The following PPFIA2 variants were observed in gnomAD, a reference collection of about 807,000 sequenced individuals.
PPFIA2 encodes the protein liprin-alpha-2.
A neutral mutation model predicts 175.5 loss-of-function variants in PPFIA2; 46 were observed. The observed-to-expected ratio is 0.26, with a 90% CI of 0.21 to 0.34. The LOEUF (loss-of-function observed/expected upper bound fraction) is 0.34, where lower values mean the gene tolerates loss of function less well. Among genes scored for constraint, PPFIA2 ranks in the 10% least tolerant of loss-of-function variants. PPFIA2 has a pLI of 1.00. For synonymous variants in PPFIA2, 568 were observed against 511.4 expected (o/e 1.11, Z -1.49); for missense variants, 1,179 against 1,506.1 (o/e 0.78, Z 3.60).
intron 3 of PPFIA2, among the ~76,000 whole-genome samples, chr12:81,680,364 G>A (rs114889858): frequency 0.015 from 2,221 of 151,986 alleles, 28 homozygotes; most frequent in South Asian, 0.042. Context: ...TAAAAGGTTA[G>A]ATAGTTTACA....
chr12:81,612,747 T>A (rs2061050129), intron 4 of PPFIA2, among the ~76,000 whole-genome samples: 1 of 152,232 alleles, frequency 6.6e-6, no homozygotes, highest in South Asian at 2.1e-4. Flanking sequence ...TATTTTTACA[T>A]AATTTCATAA....
intron 22 of PPFIA2, among the ~76,000 whole-genome samples, chr12:81,299,928 A>C (rs144521931): frequency 1.5e-3 from 222 of 152,296 alleles, no homozygotes; most frequent in Non-Finnish European, 1.3e-3. Flanking sequence ...ATAAAACTAC[A>C]TCTCACTTGG....
chr12:81,509,180 C>T (rs1429254256), intron 4 of PPFIA2, among the ~76,000 whole-genome samples: 7 of 151,986 alleles, frequency 4.6e-5, no homozygotes, highest in Non-Finnish European at 8.8e-5. Context: ...ACCTTTTGTC[C>T]AATTATTATC....
At chr12:81,642,320 A>C (rs1348899277) in intron 4 of PPFIA2, among the ~76,000 whole-genome samples, 1 of 151,978 alleles carries the variant, frequency 6.6e-6, no homozygotes, top group African/African-American at 2.4e-5. Context: ...ATGCAGAGTT[A>C]TGTAAGATTT....
At chr12:81,555,146 A>G (rs1183264768) in intron 4 of PPFIA2, among the ~76,000 whole-genome samples, 1 of 152,040 alleles carries the variant, frequency 6.6e-6, no homozygotes, top group Non-Finnish European at 1.5e-5. Flanking sequence ...TATATAGATG[A>G]GAAGATTAAA....
At chr12:81,496,620 GA>G (rs1309947139) in intron 4 of PPFIA2, among the ~76,000 whole-genome samples, 20 of 152,208 alleles carry the variant, frequency 1.3e-4, no homozygotes, top group African/African-American at 4.8e-4. Flanking sequence ...TGAATGAAAG[GA>G]ATCAATAACA....
At chr12:81,285,645 T>C (rs1378765825) in intron 24 of PPFIA2, among the ~76,000 whole-genome samples, 1 of 152,066 alleles carries the variant, frequency 6.6e-6, no homozygotes, top group Non-Finnish European at 1.5e-5. Context: ...CATTATACCA[T>C]CGTAGTGCAA....
intron 32 of PPFIA2, 69 bp downstream of exon 32, chr12:81,261,880 A>T: frequency 9.6e-7 from 1 of 1,043,892 alleles, no homozygotes; most frequent in Non-Finnish European, 1.4e-6. Context: ...TATAGTGTAT[A>T]TTTATTAGTC....
intron 3 of PPFIA2, among the ~76,000 whole-genome samples, chr12:81,687,919 A>C (rs1348523627): frequency 6.6e-6 from 1 of 152,018 alleles, no homozygotes; most frequent in Non-Finnish European, 1.5e-5. Flanking sequence ...AGATTACATA[A>C]AGATATATGT....
rs1487668423 is a variant in PPFIA2 at position 81,362,677 on chromosome 12, TTTAG to T, written c.1637+12_1637+15del. ...ATTTTCAGTGAATTATAGATAAGCTTTTAGTTTAATGTTACCTTGGTATTGTGGG... is the reference window on the plus strand; with the variant it reads ...ATTTTCAGTGAATTATAGATAAGCTTTTTAATGTTACCTTGGTATTGTGGG... On this transcript the variant is annotated intron_variant, in intron 15 of 32. Transcript: ENST00000549396. 6.7e-7 allele frequency: 1 copy of T among 1,503,132 alleles called. No individual in the cohort carries two copies. 93.1% of individuals were successfully genotyped at this position (1,503,132 alleles called of 1,614,324 possible). A position where few individuals can be genotyped will look rare whatever the true frequency, so the allele number is the denominator to read the frequency against.
intron 3 of PPFIA2, among the ~76,000 whole-genome samples, chr12:81,685,375 T>C (rs2056624888): frequency 6.6e-6 from 1 of 152,046 alleles, no homozygotes; most frequent in African/African-American, 2.4e-5. Flanking sequence ...ATTTTATAAA[T>C]TTTTCCTATG....
At chr12:81,260,848 T>C (rs978182010) in intron 32 of PPFIA2, 2 of 152,212 alleles carry the variant, frequency 1.3e-5, no homozygotes, top group East Asian at 1.9e-4. Flanking sequence ...TTCTAAAATA[T>C]TGATTCATCG....
intron 4 of PPFIA2, among the ~76,000 whole-genome samples, chr12:81,523,106 G>A (rs952166014): frequency 1.3e-5 from 2 of 152,132 alleles, no homozygotes; most frequent in African/African-American, 2.4e-5. Flanking sequence ...TTTCATTGGC[G>A]ATAAATCTGT....
At chr12:81,496,412 TC>T (rs1245261210) in intron 4 of PPFIA2, among the ~76,000 whole-genome samples, 3 of 152,168 alleles carry the variant, frequency 2.0e-5, no homozygotes, top group African/African-American at 7.2e-5. Flanking sequence ...ATGTGAAATT[TC>T]TTGGGTGTAA....
At chr12:81,425,476 C>T (rs1347952977) in intron 7 of PPFIA2, among the ~76,000 whole-genome samples, 3 of 152,172 alleles carry the variant, frequency 2.0e-5, no homozygotes, top group Admixed American at 6.5e-5. Flanking sequence ...TCCCGAGTAT[C>T]GGGGACTACA....
At chr12:81,286,556 T>C (rs978705438) in intron 24 of PPFIA2, among the ~76,000 whole-genome samples, 1 of 152,086 alleles carries the variant, frequency 6.6e-6, no homozygotes, top group Non-Finnish European at 1.5e-5. Flanking sequence ...TTATACCACA[T>C]AGCCTAGGTG....
At chr12:81,752,771 T>C (rs1366479832) in intron 3 of PPFIA2, among the ~76,000 whole-genome samples, 1 of 152,154 alleles carries the variant, frequency 6.6e-6, no homozygotes. Flanking sequence ...AGCCATAACT[T>C]TGTGGAGAGA....
chr12:81,590,944 C>T (rs1305205916), intron 4 of PPFIA2, among the ~76,000 whole-genome samples: 1 of 152,114 alleles, frequency 6.6e-6, no homozygotes, highest in Non-Finnish European at 1.5e-5. Context: ...GTGGAGGCAA[C>T]TTTGGAACTG....
chr12:81,369,933 A>G (rs1354600688), intron 11 of PPFIA2, among the ~76,000 whole-genome samples: 3 of 151,852 alleles, frequency 2.0e-5, no homozygotes, highest in Non-Finnish European at 2.9e-5. Flanking sequence ...ATAAAAAGCT[A>G]TCAACCTAAG....
Sources: gnomAD v4.1 joint callset for allele counts (sites outside exome capture counted in the v4.1 genomes callset) on GRCh38, gnomAD v4.1.1 for gene constraint, MANE v1.5 for transcripts, NCBI Gene and HGNC (gene_info 2026-07-23, HGNC 2026-07-21) for gene names.